HRH1: variants seen among roughly 807,000 people sequenced by gnomAD.
The protein encoded by HRH1 is histamine receptor H1.
A neutral mutation model predicts 10.3 loss-of-function variants in HRH1; 6 were observed. The ratio of observed to expected loss-of-function variants is 0.58; its 90% CI spans 0.32 to 1.15. HRH1 has a LOEUF of 1.15. HRH1 is among the 50% of genes most tolerant of loss of function. HRH1 has a pLI of 0.05. For missense variants in HRH1, 514 were observed against 615.3 expected (o/e 0.84, Z 1.74); for synonymous variants, 242 against 236.7 (o/e 1.02, Z -0.21).
Position 11,154,971 on chromosome 3 carries a change from G to C in HRH1, c.-36+417G>C, listed in dbSNP as rs1446131168. ...GAGTGCGTTCACTGTGCCAGGCTTT[G>C]GGCATCCATTATCTGTTGCAATATT... On this transcript the variant is annotated intron_variant, in intron 1 of 1. Transcript: ENST00000431010. This position sits in a 1 kb window ranked among gnomAD's most constrained non-coding sequence, Gnocchi z 4.4. Among the ~76,000 whole-genome samples, 2 of 152,206 alleles carry C rather than the reference G, an allele frequency of 1.3e-5. No homozygotes were observed. Among genetic ancestry groups the C allele is most frequent in the African/African-American group, 4.8e-5 (2 of 41,462 alleles).
chr3:11,210,684 C>A (rs141195889), intron 1 of HRH1, among the ~76,000 whole-genome samples: 2 of 150,600 alleles, frequency 1.3e-5, no homozygotes, highest in African/African-American at 4.9e-5. Context: ...TCCCAGCTAC[C>A]GGGGAGGCCA....
chr3:11,234,169 G>A, intron 1 of HRH1: 1 of 809,528 alleles, frequency 1.2e-6, no homozygotes, highest in Non-Finnish European at 2.0e-6. Flanking sequence ...CAGAGGGAAA[G>A]ACACTTTCTT....
chr3:11,210,199 T>C (rs1376415863), intron 1 of HRH1, among the ~76,000 whole-genome samples: 3 of 151,962 alleles, frequency 2.0e-5, no homozygotes, highest in Non-Finnish European at 4.4e-5. Context: ...CAGAGCAACC[T>C]GGGCAACATG....
intron 1 of HRH1, among the ~76,000 whole-genome samples, chr3:11,196,998 G>C (rs763567967): frequency 1.3e-5 from 2 of 149,708 alleles, no homozygotes; most frequent in African/African-American, 4.9e-5. Context: ...GGTGGTGGGC[G>C]CCTGTAGTCC....
At chr3:11,201,406 T>C (rs769820556) in intron 1 of HRH1, among the ~76,000 whole-genome samples, 32 of 151,904 alleles carry the variant, frequency 2.1e-4, no homozygotes, top group Non-Finnish European at 4.3e-4. Flanking sequence ...TATGGGATGG[T>C]GAGTAATGGT....
upstream of HRH1, among the ~76,000 whole-genome samples, chr3:11,151,643 G>A (rs953614594): frequency 1.4e-4 from 22 of 151,984 alleles, no homozygotes; most frequent in African/African-American, 4.8e-4. Context: ...GACTACAGGC[G>A]CACACTGCCA....
chr3:11,140,331 G>A (rs749152497), intron 1 of HRH1, among the ~76,000 whole-genome samples: 6 of 151,906 alleles, frequency 3.9e-5, no homozygotes, highest in African/African-American at 2.4e-5. Context: ...CAAAATAAGC[G>A]CCTTCCTCCC....
chr3:11,161,408 G>A lies in HRH1; in HGVS notation c.-36+6854G>A, dbSNP rs369584417. 7.2e-5 allele frequency among the ~76,000 whole-genome samples: 11 copies of A among 152,248 alleles called. No homozygotes were observed. The East Asian group carries it at 1.5e-3, about 21-fold the overall frequency. The stretch of plus-strand genomic sequence containing the variant: ...AGAATCACTAATCATCATTAAATAA[G>A]TACATCCTGCTGCCCCTTGCCCTCG... On this transcript the variant is annotated intron_variant, in intron 1 of 1. Transcript: ENST00000431010.
At position 11,174,907 on chromosome 3, in the gene HRH1, C is replaced by G. The variant is rs138491943; in HGVS notation, c.-36+20353C>G. The stretch of plus-strand genomic sequence containing the variant: ...GGCAATAGACTGCCCCTCCACCACT[C>G]CTGCCCCGGGCAACATTCAGTAAAG... On this transcript the variant is annotated intron_variant, in intron 1 of 1. Coordinates refer to ENST00000431010, the MANE Select transcript of HRH1 (RefSeq NM_001098212.2). Among the ~76,000 whole-genome samples the G allele has an allele frequency of 3.5e-3, 536 of 152,306 alleles. 4 individuals are homozygous for G. The highest frequency in any genetic ancestry group is 6.3e-3 in the Non-Finnish European group (430 of 68,030).
chr3:11,160,231 G>A (rs551272882), intron 1 of HRH1, among the ~76,000 whole-genome samples: 26 of 152,194 alleles, frequency 1.7e-4, no homozygotes, highest in African/African-American at 6.3e-4. Flanking sequence ...TGACCTAAGG[G>A]CCATGCCCCT....
At chr3:11,160,299 G>C (rs35612738) in intron 1 of HRH1, among the ~76,000 whole-genome samples, 3 of 151,924 alleles carry the variant, frequency 2.0e-5, no homozygotes, top group Non-Finnish European at 2.9e-5. Flanking sequence ...CAATTTTCTC[G>C]GCTGGAATCT....
rs575142720 is a variant in HRH1 at position 11,218,599 on chromosome 3, G to A, written c.-35-40404G>A. On this transcript the variant is annotated intron_variant, in intron 1 of 1. Transcript: ENST00000431010. ...TCATTTATTTATTTATTCTTGAGAT[G>A]GAGGCTTGCTCTGTCGCCCAGACTG... Among the ~76,000 whole-genome samples the A allele has an allele frequency of 2.6e-5, 4 of 152,280 alleles. No homozygotes were observed. In the East Asian group the frequency reaches 7.7e-4, roughly 29 times the overall value.
At chr3:11,236,989 T>C (rs1381582755) in intron 1 of HRH1, among the ~76,000 whole-genome samples, 2 of 152,210 alleles carry the variant, frequency 1.3e-5, no homozygotes, top group African/African-American at 4.8e-5. Context: ...ACTTTTTTTT[T>C]CCTCAAGAAG....
intron 1 of HRH1, among the ~76,000 whole-genome samples, chr3:11,179,147 G>A (rs984102456): frequency 1.3e-5 from 2 of 152,108 alleles, no homozygotes; most frequent in Non-Finnish European, 1.5e-5. Flanking sequence ...AATTAGCTGG[G>A]CGTGGTGGCG....
At chr3:11,148,507 G>A (rs553635981) in intron 1 of HRH1, among the ~76,000 whole-genome samples, 1 of 152,146 alleles carries the variant, frequency 6.6e-6, no homozygotes, top group African/African-American at 2.4e-5. Context: ...AGCGACTGAG[G>A]TTATTTCATA....
intron 1 of HRH1, among the ~76,000 whole-genome samples, chr3:11,233,931 A>C (rs995376549): frequency 1.3e-5 from 2 of 152,220 alleles, no homozygotes; most frequent in African/African-American, 4.8e-5. Context: ...GCTCACTCAC[A>C]AGAAACCTTC....
rs762398411 is a variant in HRH1 at position 11,232,358 on chromosome 3, A to G, written c.-35-26645A>G. Among the ~76,000 whole-genome samples, 48 of 152,246 alleles carry G rather than the reference A, an allele frequency of 3.2e-4. 2 individuals are homozygous for G. The Middle Eastern group carries it at 0.02, about 65-fold the overall frequency. ...GCCTATGACGTCCAATTGTGCCAGC[A>G]CCATTTGTTGAAAATGCTTTCTCTC... On this transcript the variant is annotated intron_variant, in intron 1 of 1. Coordinates refer to ENST00000431010, the MANE Select transcript of HRH1 (RefSeq NM_001098212.2).
chr3:11,248,821 A>C (rs968874339), intron 1 of HRH1, among the ~76,000 whole-genome samples: 1 of 152,190 alleles, frequency 6.6e-6, no homozygotes, highest in African/African-American at 2.4e-5. Context: ...TCATTACACC[A>C]GGCTGTGGGG....
rs1444301136 is a variant in HRH1 at position 11,190,035 on chromosome 3, CTG to C, written c.-36+35484_-36+35485del. Among the ~76,000 whole-genome samples the C allele has an allele frequency of 2.6e-5, 4 of 152,100 alleles. No homozygotes were observed. In the East Asian group the frequency reaches 5.8e-4, roughly 22 times the overall value. On this transcript the variant is annotated intron_variant, in intron 1 of 1. Coordinates refer to ENST00000431010, the MANE Select transcript of HRH1 (RefSeq NM_001098212.2). ...AGAGGAATGCTATGCCTCTGAAAGA[CTG>C]TGATCAGGAGAAGCCTAGCCTTTCT...
Sources: allele counts gnomAD v4.1 joint callset (sites outside exome capture counted in the v4.1 genomes callset), GRCh38; gene constraint gnomAD v4.1.1; non-coding constraint Gnocchi (gnomAD v3.1); transcripts MANE v1.5; gene names NCBI Gene and HGNC (gene_info 2026-07-23, HGNC 2026-07-21).